GDAP1: variants seen among roughly 807,000 people sequenced by gnomAD.
GDAP1 encodes ganglioside induced differentiation associated protein 1.
In GDAP1, 34 loss-of-function variants were observed where a neutral mutation model predicts 40.1. The observed-to-expected ratio is 0.85, with a 90% CI of 0.64 to 1.13. The LOEUF is 1.13. GDAP1 is among the 50% of genes most tolerant of loss of function. The pLI is 0.00. For synonymous variants in GDAP1, 170 were observed against 157.4 expected, an observed-to-expected ratio of 1.08 and a Z score of -0.60; for missense variants, 374 against 433.7, an observed-to-expected ratio of 0.86 and a Z score of 1.22.
chr8:74,356,563 T>C (rs911684557), intron 2 of GDAP1, among the ~76,000 whole-genome samples: 2 of 151,860 alleles, frequency 1.3e-5, no homozygotes, highest in African/African-American at 4.8e-5. Flanking sequence ...ATTTGCTCTT[T>C]CTAGTTCAAG....
intron 2 of GDAP1, among the ~76,000 whole-genome samples, chr8:74,465,352 G>T (rs1307270381): frequency 2.6e-5 from 4 of 152,102 alleles, no homozygotes; most frequent in Admixed American, 6.5e-5. Context: ...AGTCATTCTT[G>T]ATACACCTGC....
At position 74,350,521 on chromosome 8, in the gene GDAP1, C is replaced by G. The variant is rs745489659; in HGVS notation, c.60C>G (p.Ala20=). 1 of 1,613,766 alleles carries G rather than the reference C, an allele frequency of 6.2e-7. No individual in the cohort carries two copies. The highest frequency in any genetic ancestry group is 1.3e-5 in the African/African-American group (1 of 75,080). The change falls in exon 1 of 6, where the codon GCC becomes GCG. Residue 20 remains alanine, a synonymous_variant. Transcript: ENST00000220822. The stretch of plus-strand genomic sequence containing the variant: ...CGCCCTTGAGGGCGGAAGGCAAGGC[C>G]GACGCGGAGGTTAAGCTCATTCTGT... ...GSPPLRAEGK[A]DAEVKLILYH...
intron 2 of GDAP1, among the ~76,000 whole-genome samples, chr8:74,471,237 A>G (rs1380524138): frequency 6.6e-6 from 1 of 151,830 alleles, no homozygotes; most frequent in African/African-American, 2.4e-5. Context: ...GCTGTGCAGA[A>G]GCTCTTTAGT....
intron 2 of GDAP1, among the ~76,000 whole-genome samples, chr8:74,418,206 A>C (rs995191837): frequency 2.0e-5 from 3 of 152,230 alleles, no homozygotes; most frequent in African/African-American, 7.2e-5. Context: ...TGCATGGAAA[A>C]GCAAAAGAAC....
At chr8:74,400,177 G>T (rs1484977723) in intron 2 of GDAP1, among the ~76,000 whole-genome samples, 2 of 149,620 alleles carry the variant, frequency 1.3e-5, no homozygotes, top group South Asian at 4.2e-4. Context: ...ATTATTGTGT[G>T]GGAGTCTAAG....
At chr8:74,481,657 G>A (rs1024934397) in intron 2 of GDAP1, among the ~76,000 whole-genome samples, 1 of 152,164 alleles carries the variant, frequency 6.6e-6, no homozygotes, top group Non-Finnish European at 1.5e-5. Context: ...TCTGACTGGA[G>A]CTAGGCCAGT....
chr8:74,472,298 T>C (rs1806567553), intron 2 of GDAP1, among the ~76,000 whole-genome samples: 1 of 152,260 alleles, frequency 6.6e-6, no homozygotes, highest in Non-Finnish European at 1.5e-5. Flanking sequence ...TAGTATTCCA[T>C]AGTGTACATG....
intron 3 of GDAP1, 116 bp from the exon 4 acceptor site, chr8:74,361,768 A>G (rs1809375911): frequency 4.2e-6 from 3 of 721,174 alleles, no homozygotes; most frequent in African/African-American, 3.5e-5. Context: ...AAGGCAGAGA[A>G]GCAGGGCATG....
chr8:74,464,042 A>G (rs1335788001), intron 2 of GDAP1, among the ~76,000 whole-genome samples: 1 of 152,242 alleles, frequency 6.6e-6, no homozygotes, highest in East Asian at 1.9e-4. Context: ...TATGTTTAAC[A>G]ATACCATCCC....
chr8:74,439,963 A>T (rs1354720188), intron 2 of GDAP1, among the ~76,000 whole-genome samples: 2 of 152,000 alleles, frequency 1.3e-5, no homozygotes, highest in Non-Finnish European at 2.9e-5. Context: ...TTTGTAAGTG[A>T]TATTTATTTT....
Position 74,364,035 on chromosome 8 carries a change from G to A in GDAP1, c.745G>A (p.Val249Ile), listed in dbSNP as rs753181104. 5.0e-6 allele frequency: 8 copies of A among 1,613,820 alleles called. No homozygotes were observed. Among genetic ancestry groups the A allele is most frequent in the South Asian group, 1.1e-5 (1 of 91,072 alleles). ...CGGTGAATCCTTCACCCTGGCAGAC[G>A]TCTCACTCGCTGTCACATTGCATCG... ...LCGESFTLAD[V>I]SLAVTLHRLK... Residue 249 changes from valine (V) to isoleucine (I), a missense_variant, in exon 6 of 6, where the codon GTC becomes ATC. Transcript: ENST00000220822.
At chr8:74,355,092 A>G (rs1809036911) in intron 2 of GDAP1, among the ~76,000 whole-genome samples, 1 of 152,138 alleles carries the variant, frequency 6.6e-6, no homozygotes, top group Admixed American at 6.5e-5. Context: ...TCATTAAATA[A>G]TTGGTAGTTT....
At position 74,405,338 on chromosome 8, in the gene GDAP1, C is replaced by T. The variant is rs940757385; in HGVS notation, c.165+54017C>T. ...TCAAGGTGAGATTTGGGTGGGGACA[C>T]AGTCAAACCATATCATTATGTAAAT... On this transcript the variant is annotated intron_variant, in intron 2 of 2. Transcript: ENST00000523640. Among the ~76,000 whole-genome samples, 5 of 150,248 alleles carry T rather than the reference C, an allele frequency of 3.3e-5. 1 individual carries two copies. The highest frequency in any genetic ancestry group is 1.3e-4 in the African/African-American group (5 of 39,522).
chr8:74,483,939 G>GATGA (rs1806744489), intron 2 of GDAP1, among the ~76,000 whole-genome samples: 1 of 152,176 alleles, frequency 6.6e-6, no homozygotes, highest in Non-Finnish European at 1.5e-5. Flanking sequence ...ATTTCGACAG[G>GATGA]ATGAAGTGAC....
At chr8:74,461,238 C>T (rs1235410463) in intron 2 of GDAP1, among the ~76,000 whole-genome samples, 9 of 152,148 alleles carry the variant, frequency 5.9e-5, no homozygotes, top group Non-Finnish European at 8.8e-5. Flanking sequence ...AAATGGGGTA[C>T]ATAATAAGCT....
At chr8:74,411,477 A>G (rs1400931263) in intron 2 of GDAP1, among the ~76,000 whole-genome samples, 2 of 149,444 alleles carry the variant, frequency 1.3e-5, no homozygotes, top group African/African-American at 5.1e-5. Context: ...TACAGTCTAC[A>G]GTTACATGTA....
intron 2 of GDAP1, among the ~76,000 whole-genome samples, chr8:74,355,648 T>C (rs1227691355): frequency 6.6e-6 from 1 of 152,212 alleles, no homozygotes; most frequent in Non-Finnish European, 1.5e-5. Context: ...ATTGTACTCA[T>C]AACCTCTTTA....
At chr8:74,475,473 G>A (rs936922703) in intron 2 of GDAP1, among the ~76,000 whole-genome samples, 1 of 151,934 alleles carries the variant, frequency 6.6e-6, no homozygotes, top group Admixed American at 6.6e-5. Context: ...AGAGATTTTG[G>A]TATATTGTAT....
chr8:74,431,761 G>A (rs1037048078), intron 2 of GDAP1, among the ~76,000 whole-genome samples: 10 of 152,256 alleles, frequency 6.6e-5, no homozygotes, highest in African/African-American at 2.4e-4. Context: ...AATTACAGGT[G>A]TGAGCCACTG....
Sources: gnomAD v4.1 joint callset for allele counts (sites outside exome capture counted in the v4.1 genomes callset) on GRCh38, gnomAD v4.1.1 for gene constraint, MANE v1.5 for transcripts, NCBI Gene and HGNC (gene_info 2026-07-23, HGNC 2026-07-21) for gene names.